The following GSG1L variants were observed in gnomAD, a reference collection of about 807,000 sequenced individuals.
GSG1L encodes germ cell-specific gene 1-like protein.
GSG1L carries 24 observed loss-of-function variants against 42.1 expected under a neutral mutation model. The observed-to-expected ratio is 0.57, with a 90% CI of 0.41 to 0.80. GSG1L has a LOEUF of 0.80. Ranked by LOEUF, GSG1L falls within the 30% of genes least tolerant of loss-of-function variation. The pLI is 0.00. For missense variants in GSG1L, 445 were observed against 472.2 expected (o/e 0.94, Z 0.53); for synonymous variants, 215 against 203.5 (o/e 1.06, Z -0.48).
chr16:27,908,963 G>A (rs1310501755), intron 2 of GSG1L, among the ~76,000 whole-genome samples: 1 of 152,134 alleles, frequency 6.6e-6, no homozygotes, highest in Non-Finnish European at 1.5e-5. Flanking sequence ...CAGCCCCTCT[G>A]CATTAAAACA....
rs559481077 is a variant in GSG1L at position 27,815,185 on chromosome 16, C to T, written c.831-7631G>A. Among the ~76,000 whole-genome samples the T allele has an allele frequency of 2.6e-5, 4 of 152,280 alleles. No individual in the cohort carries two copies. The East Asian group carries it at 5.8e-4, about 22-fold the overall frequency. ...GTCCCCTCTAAATCTTATGCTGAAA[C>T]GTGATCCCCAATGTTGGAGGTGGGG... On this transcript the variant is annotated intron_variant, in intron 5 of 6. Transcript: ENST00000447459.
chr16:27,896,029 G>T (rs1456810775), intron 2 of GSG1L, among the ~76,000 whole-genome samples: 1 of 152,152 alleles, frequency 6.6e-6, no homozygotes, highest in Non-Finnish European at 1.5e-5. Context: ...AGAAAATATA[G>T]AATCTCTGGC....
In GSG1L at chr16:27,796,234, C is replaced by T. The variant is rs375687901; in HGVS notation, c.899-4767G>A. On this transcript the variant is annotated intron_variant, in intron 6 of 6. Coordinates refer to ENST00000447459, the MANE Select transcript of GSG1L (RefSeq NM_001109763.2). ...CCTCTCTCTATAGGACTCACAGGTC[C>T]GCCCAAAGCCAACTGTCTGTCTGCC... Among the ~76,000 whole-genome samples, 5 of 152,318 alleles carry T rather than the reference C, an allele frequency of 3.3e-5. No homozygotes were observed. In the East Asian group the frequency reaches 5.8e-4, roughly 18 times the overall value.
chr16:27,947,127 T>A (rs2084882099), intron 2 of GSG1L, among the ~76,000 whole-genome samples: 1 of 152,220 alleles, frequency 6.6e-6, no homozygotes, highest in African/African-American at 2.4e-5. Context: ...AAGTTTTGTT[T>A]TTGTTTTGTT....
intron 2 of GSG1L, among the ~76,000 whole-genome samples, chr16:27,907,195 G>C (rs2141048128): frequency 6.6e-6 from 1 of 152,272 alleles, no homozygotes; most frequent in East Asian, 1.9e-4. Context: ...GTGGAAACTG[G>C]AGCTGCCGGG....
At chr16:27,831,680 C>T (rs184626553) in intron 4 of GSG1L, among the ~76,000 whole-genome samples, 70 of 152,276 alleles carry the variant, frequency 4.6e-4, no homozygotes, top group Middle Eastern at 3.4e-3. Context: ...AGATGCTATG[C>T]GGTGGAGCAG....
At chr16:27,841,438 C>T (rs1383849552) in intron 4 of GSG1L, among the ~76,000 whole-genome samples, 3 of 152,214 alleles carry the variant, frequency 2.0e-5, no homozygotes, top group Non-Finnish European at 2.9e-5. Context: ...CAAAACCCCT[C>T]CAGCTTCCAG....
chr16:27,884,449 T>C lies in GSG1L; in HGVS notation c.550+37A>G, dbSNP rs2084002361. 6.3e-7 allele frequency: 1 copy of C among 1,594,180 alleles called. No homozygotes were observed. The highest frequency in any genetic ancestry group is 8.6e-7 in the Non-Finnish European group (1 of 1,167,906). On this transcript the variant is annotated intron_variant, in intron 3 of 6. Transcript: ENST00000447459. The surrounding 1 kb of genome is among the most constrained non-coding windows in gnomAD (Gnocchi z 4.4). ...TCCAAGGGCAGCACCCTTTCTCGCC[T>C]GTGCTCTGAGAGGCCACAGGACCAG...
chr16:27,834,658 T>G (rs1006168621), intron 4 of GSG1L, among the ~76,000 whole-genome samples: 3 of 152,198 alleles, frequency 2.0e-5, no homozygotes, highest in Non-Finnish European at 1.5e-5. Flanking sequence ...CAGTTTGTGC[T>G]GTTAGAAAAA....
chr16:28,055,933 G>C (rs889272144), intron 1 of GSG1L, among the ~76,000 whole-genome samples: 1 of 142,546 alleles, frequency 7.0e-6, no homozygotes, highest in African/African-American at 2.5e-5. Context: ...GGGGAGTGAC[G>C]TGAGCTCCCC....
At chr16:27,860,946 C>T (rs1392187856) in intron 3 of GSG1L, among the ~76,000 whole-genome samples, 1 of 152,248 alleles carries the variant, frequency 6.6e-6, no homozygotes, top group Non-Finnish European at 1.5e-5. Flanking sequence ...TTGAATCTTT[C>T]TGCCCCTTCA....
intron 2 of GSG1L, among the ~76,000 whole-genome samples, chr16:27,912,595 A>G (rs1475347134): frequency 6.6e-6 from 1 of 152,188 alleles, no homozygotes; most frequent in African/African-American, 2.4e-5. Flanking sequence ...CACAACAACA[A>G]CATCAAGGTT....
intron 6 of GSG1L, 31 bp downstream of exon 6, chr16:27,807,456 C>A (rs769878553): frequency 1.3e-6 from 2 of 1,585,248 alleles, no homozygotes; most frequent in South Asian, 2.2e-5. Flanking sequence ...ATGAATCTGT[C>A]GTAGCAGATA....
intron 1 of GSG1L, among the ~76,000 whole-genome samples, chr16:28,019,569 T>C (rs1043984850): frequency 6.6e-6 from 1 of 152,182 alleles, no homozygotes; most frequent in Non-Finnish European, 1.5e-5. Context: ...TTAATAAACT[T>C]ACTTTCACTT....
chr16:28,024,808 G>A (rs1028736972), intron 1 of GSG1L, among the ~76,000 whole-genome samples: 2 of 152,240 alleles, frequency 1.3e-5, no homozygotes, highest in African/African-American at 4.8e-5. Context: ...AATGACAGCT[G>A]TTCAGGTTGT....
chr16:27,948,358 GTATTCT>G (rs111330203), intron 2 of GSG1L, among the ~76,000 whole-genome samples: 121,719 of 150,566 alleles, frequency 0.81, 49,750 homozygotes, highest in African/African-American at 0.89. Flanking sequence ...TAAGGTTTTG[GTATTCT>G]TATTCTTATT....
chr16:28,051,906 G>A (rs1242835331), intron 1 of GSG1L, among the ~76,000 whole-genome samples: 5 of 152,162 alleles, frequency 3.3e-5, no homozygotes, highest in Non-Finnish European at 5.9e-5. Context: ...TCAGCACGGT[G>A]GGGGATAAAC....
intron 1 of GSG1L, among the ~76,000 whole-genome samples, chr16:27,996,422 C>G (rs2085514558): frequency 7.2e-6 from 1 of 139,732 alleles, no homozygotes; most frequent in African/African-American, 2.9e-5. Flanking sequence ...TGGCAAAGGA[C>G]TGGAAATAAC....
At chr16:27,971,005 A>C (rs74015182) in intron 1 of GSG1L, among the ~76,000 whole-genome samples, 39,388 of 152,114 alleles carry the variant, frequency 0.26, 5,441 homozygotes, top group East Asian at 0.49. Context: ...CTATTCCATT[A>C]ATTTATATGT....
Sources: allele counts gnomAD v4.1 joint callset (sites outside exome capture counted in the v4.1 genomes callset), GRCh38; gene constraint gnomAD v4.1.1; non-coding constraint Gnocchi (gnomAD v3.1); transcripts MANE v1.5; gene names NCBI Gene and HGNC (gene_info 2026-07-23, HGNC 2026-07-21).